Variants in IFT27 observed in about 807,000 individuals in gnomAD.
IFT27 encodes intraflagellar transport protein 27 homolog.
In IFT27, 19 loss-of-function variants were observed where a neutral mutation model predicts 23.9. The ratio of observed to expected loss-of-function variants is 0.79; its 90% CI spans 0.55 to 1.16. IFT27 has a LOEUF of 1.16. Among genes scored for constraint, IFT27 ranks in the 50% most tolerant of loss-of-function variants. IFT27 has a pLI of 0.00. For synonymous variants in IFT27, 91 were observed against 89.1 expected, an observed-to-expected ratio of 1.02 and a Z score of -0.12; for missense variants, 206 against 228.7, an observed-to-expected ratio of 0.90 and a Z score of 0.64.
chr22:36,771,049 T>G (rs865876404), intron 1 of IFT27, among the ~76,000 whole-genome samples: 27 of 149,334 alleles, frequency 1.8e-4, no homozygotes, highest in African/African-American at 4.0e-4. Flanking sequence ...TGTCTTGGGG[T>G]GTGTGTGTGT....
rs199883236 is a variant in IFT27 at position 36,764,005 on chromosome 22, T to C, written c.266A>G (p.Tyr89Cys). Residue 89 changes from tyrosine (Y) to cysteine (C), a missense_variant, in exon 5 of 7, where the codon TAT becomes TGT. Coordinates refer to ENST00000433985, the MANE Select transcript of IFT27 (RefSeq NM_001177701.3). ...WESPNVLCLV[Y>C]DVTNEESFNN... ...GAAGGATTCTTCATTGGTCACATCA[T>C]AGACGAGACATAAGACATTGGGACT... 1.1e-5 allele frequency: 18 copies of C among 1,614,146 alleles called. No homozygotes were observed. The East Asian group carries it at 1.8e-4, about 16-fold the overall frequency.
At position 36,775,709 on chromosome 22, in the gene IFT27, G is replaced by C; in HGVS notation, c.-2C>G. On this transcript the variant is annotated 5_prime_UTR_variant, in exon 1 of 7. Transcript: ENST00000433985. ...GCATTTGGCTGCCAGCTTCACCATG[G>C]TAACCAACACTCCCGCGAGCCGTAC... 6.2e-7 allele frequency: 1 copy of C among 1,614,104 alleles called. No individual in the cohort carries two copies. Among genetic ancestry groups the C allele is most frequent in the East Asian group, 2.2e-5 (1 of 44,892 alleles).
chr22:36,763,519 A>G, intron 5 of IFT27: 1 of 343,930 alleles, frequency 2.9e-6, no homozygotes, highest in Non-Finnish European at 5.6e-6. Flanking sequence ...TGTTGATCTC[A>G]CATAGGGACG....
At chr22:36,763,147 C>T (rs1278243937) in intron 5 of IFT27, 134 bp from the exon 6 acceptor site, 3 of 548,050 alleles carry the variant, frequency 5.5e-6, no homozygotes, top group Admixed American at 3.7e-5. Context: ...TGGTGAGCCC[C>T]CCCACAGGGA....
At chr22:36,763,736 T>G in intron 5 of IFT27, 183 bp downstream of exon 5, 1 of 683,592 alleles carries the variant, frequency 1.5e-6, no homozygotes. Flanking sequence ...CTGGGAGAGG[T>G]GTGTGTGGTG....
At chr22:36,771,927 C>T (rs57917588) in intron 1 of IFT27, among the ~76,000 whole-genome samples, 10,216 of 152,106 alleles carry the variant, frequency 0.067, 1,207 homozygotes, top group African/African-American at 0.24. Context: ...CCCATCTCCA[C>T]GGTCAGCCCT....
At chr22:36,774,819 A>C (rs1190481173) in intron 1 of IFT27, among the ~76,000 whole-genome samples, 1 of 151,546 alleles carries the variant, frequency 6.6e-6, no homozygotes, top group Non-Finnish European at 1.5e-5. Flanking sequence ...CTCAAAAAAA[A>C]AAAAAAAAAA....
At position 36,766,164 on chromosome 22, in the gene IFT27, G is replaced by T; in HGVS notation, c.208C>A (p.Leu70Met). 6.2e-7 allele frequency: 1 copy of T among 1,614,154 alleles called. No individual in the cohort carries two copies. The highest frequency in any genetic ancestry group is 8.5e-7 in the Non-Finnish European group (1 of 1,180,008). ...AATTTATCCAGCATTTCCGAAAACA[G>T]CTCCTTGCCAGCAGAGTCAAAAATG... ...LFIFDSAGKE[L>M]FSEMLDKLWE... Residue 70 changes from leucine (L) to methionine (M), a missense_variant, in exon 4 of 7, where the codon CTG becomes ATG. By Grantham distance (15) the Leu-to-Met change is conservative (BLOSUM62 2). Coordinates refer to ENST00000433985, the MANE Select transcript of IFT27 (RefSeq NM_001177701.3).
chr22:36,767,250 G>C, intron 3 of IFT27, 56 bp downstream of exon 3: 3 of 1,426,624 alleles, frequency 2.1e-6, no homozygotes, highest in Non-Finnish European at 3.0e-6. Context: ...TGACCACAGA[G>C]ACCCTGGGCC....
rs1469644910 is a variant in IFT27 at position 36,766,079 on chromosome 22, G to A, written c.234+59C>T. The A allele has an allele frequency of 3.7e-6, 5 of 1,345,118 alleles. No homozygotes were observed. The South Asian group carries it at 5.8e-5, about 16-fold the overall frequency. The allele number at this position is 1,345,118 out of a possible 1,614,324, so 83.3% of individuals were successfully genotyped here. A position where few individuals can be genotyped will look rare whatever the true frequency, so the allele number is the denominator to read the frequency against. The stretch of plus-strand genomic sequence containing the variant: ...GGAAACTGCTGTGTGAGCACTGTCA[G>A]GGGTAAACGTTTTGGCAGGAGGTGG... On this transcript the variant is annotated intron_variant, in intron 4 of 6. Transcript: ENST00000433985.
At chr22:36,761,009 T>C (rs1938075833) in intron 6 of IFT27, 1 of 165,946 alleles carries the variant, frequency 6.0e-6, no homozygotes, top group South Asian at 2.1e-4. Flanking sequence ...ATTTCCTTTT[T>C]AATTACAGCT....
intron 3 of IFT27, chr22:36,767,082 A>C (rs1295724539): frequency 4.7e-6 from 2 of 422,160 alleles, no homozygotes; most frequent in African/African-American, 4.1e-5. Context: ...AGTAGAGAAC[A>C]AGTTCCTCAA....
chr22:36,767,935 T>G (rs754441944), intron 1 of IFT27, 73 bp from the exon 2 acceptor site: 1 of 1,370,714 alleles, frequency 7.3e-7, no homozygotes, highest in Non-Finnish European at 1.0e-6. Flanking sequence ...CTGCAGAACA[T>G]TAGTCTAGAA....
chr22:36,763,471 C>A (rs1321849188), intron 5 of IFT27: 3 of 286,260 alleles, frequency 1.0e-5, no homozygotes, highest in Non-Finnish European at 2.0e-5. Context: ...GAGCCTGTCT[C>A]TGGAGATCAC....
chr22:36,762,798 C>A (rs576619251), intron 6 of IFT27, 106 bp downstream of exon 6: 34 of 563,926 alleles, frequency 6.0e-5, no homozygotes, highest in South Asian at 5.0e-4. Context: ...AAATGAGACT[C>A]TGCATATGGT....
chr22:36,774,694 C>T (rs1050684406), intron 1 of IFT27, among the ~76,000 whole-genome samples: 2 of 152,178 alleles, frequency 1.3e-5, no homozygotes, highest in Non-Finnish European at 2.9e-5. Context: ...CGCCTGTAAT[C>T]CCAGCTACTT....
At chr22:36,758,484 C>T in intron 6 of IFT27, 75 bp from the exon 7 acceptor site, 1 of 1,116,222 alleles carries the variant, frequency 9.0e-7, no homozygotes, top group Non-Finnish European at 1.4e-6. Flanking sequence ...CAATGCTTCC[C>T]TCATTCGGGG....
Position 36,758,260 on chromosome 22 carries a change from C to T in IFT27, c.*51G>A. 7.6e-7 allele frequency: 1 copy of T among 1,323,332 alleles called. No individual in the cohort carries two copies. The highest frequency in any genetic ancestry group is 1.2e-5 in the South Asian group (1 of 84,884). 82.0% of individuals were successfully genotyped at this position (1,323,332 alleles called of 1,614,324 possible). ...AAGCCATCATTATATATTAAAAGAGCAGAGGTAATTCTGTCTTCTCCGGTT... is the reference window on the plus strand; with the variant it reads ...AAGCCATCATTATATATTAAAAGAGTAGAGGTAATTCTGTCTTCTCCGGTT... On this transcript the variant is annotated 3_prime_UTR_variant, in exon 7 of 7. Coordinates refer to ENST00000433985, the MANE Select transcript of IFT27 (RefSeq NM_001177701.3).
intron 3 of IFT27, chr22:36,766,928 CTT>C (rs11428853): frequency 8.0e-5 from 12 of 149,472 alleles, no homozygotes; most frequent in East Asian, 2.0e-4. Flanking sequence ...AGTACTTATA[CTT>C]TTTTTTTTTT....
Sources: allele counts gnomAD v4.1 joint callset (sites outside exome capture counted in the v4.1 genomes callset), GRCh38; gene constraint gnomAD v4.1.1; transcripts MANE v1.5; gene names NCBI Gene and HGNC (gene_info 2026-07-23, HGNC 2026-07-21).